Variants in DROSHA observed in about 807,000 individuals in gnomAD.
DROSHA encodes the protein ribonuclease 3.
DROSHA carries 56 observed loss-of-function variants against 181.9 expected under a neutral mutation model. The ratio of observed to expected loss-of-function variants is 0.31; its 90% CI spans 0.25 to 0.38. The LOEUF is 0.38. DROSHA is among the 10% of genes least tolerant of loss of function. The probability of loss-of-function intolerance (pLI) is 1.00; values close to 1 mark genes in which losing one functional copy is unlikely to be tolerated. For missense variants in DROSHA, 1,218 were observed against 1,743.5 expected (o/e 0.70, Z 5.37); for synonymous variants, 524 against 591.2 (o/e 0.89, Z 1.65).
rs372836185 is a variant in DROSHA, at chr5:31,526,633, C to G, written c.300G>C (p.Pro100=). 1.6e-5 allele frequency: 23 copies of G among 1,424,824 alleles called. No homozygotes were observed. The African/African-American group carries it at 3.7e-4, about 23-fold the overall frequency. 88.3% of individuals were successfully genotyped at this position (1,424,824 alleles called of 1,614,324 possible). The change falls in exon 5 of 36, where the codon CCG becomes CCC. Residue 100 remains proline (P), a synonymous_variant. Transcript: ENST00000344624. ...QGPLPPCPIR[P]PFPNHQMRHP... Reference sequence around the variant, plus strand: ...GCCTCATCTGGTGGTTGGGGAAAGGCGGCCTGATTGGGCAGGGGGGAAGAG... The same window carrying G: ...GCCTCATCTGGTGGTTGGGGAAAGGGGGCCTGATTGGGCAGGGGGGAAGAG...
chr5:31,458,393 G>C (rs1747927589), intron 20 of DROSHA, among the ~76,000 whole-genome samples: 1 of 152,186 alleles, frequency 6.6e-6, no homozygotes. Flanking sequence ...GTAATTTTTG[G>C]TGCTGTCCCA....
intron 33 of DROSHA, 129 bp from the exon 34 acceptor site, chr5:31,407,074 T>C: frequency 1.6e-6 from 1 of 607,512 alleles, no homozygotes; most frequent in South Asian, 4.6e-5. Context: ...AATGTGAAAA[T>C]GGCAGAAAGG....
intron 30 of DROSHA, among the ~76,000 whole-genome samples, chr5:31,418,837 G>A (rs980313249): frequency 6.6e-5 from 10 of 152,046 alleles, no homozygotes; most frequent in African/African-American, 1.7e-4. Flanking sequence ...AATACTGGAC[G>A]AGGACCCAGG....
intron 24 of DROSHA, among the ~76,000 whole-genome samples, chr5:31,436,187 G>C (rs1249396265): frequency 1.3e-5 from 2 of 152,174 alleles, no homozygotes; most frequent in Non-Finnish European, 2.9e-5. Flanking sequence ...AATTGGGAGT[G>C]AAACAAATGC....
intron 20 of DROSHA, among the ~76,000 whole-genome samples, chr5:31,455,799 C>T (rs1747586815): frequency 6.6e-6 from 1 of 152,042 alleles, no homozygotes; most frequent in African/African-American, 2.4e-5. Context: ...CACCACCACA[C>T]CCAGCTAATT....
chr5:31,472,625 A>G (rs1475759329), intron 16 of DROSHA, among the ~76,000 whole-genome samples: 1 of 152,240 alleles, frequency 6.6e-6, no homozygotes, highest in African/African-American at 2.4e-5. Context: ...AACAGATGAA[A>G]GCTCTTTAGA....
intron 16 of DROSHA, among the ~76,000 whole-genome samples, chr5:31,474,431 C>T (rs1346374860): frequency 1.3e-5 from 2 of 152,036 alleles, no homozygotes; most frequent in African/African-American, 4.8e-5. Flanking sequence ...GATGCCATCA[C>T]GGCTCATCGC....
At chr5:31,519,219 C>T (rs1244362383) in intron 6 of DROSHA, among the ~76,000 whole-genome samples, 7 of 152,174 alleles carry the variant, frequency 4.6e-5, no homozygotes, top group Non-Finnish European at 1.0e-4. Context: ...GAGGCTATTT[C>T]CAGCACTTAT....
At position 31,526,870 on chromosome 5, in the gene DROSHA, T is replaced by C. The variant is rs1740652731; in HGVS notation, c.63A>G (p.Gly21=). The change falls in exon 5 of 36, where the codon GGA becomes GGG. Residue 21 remains glycine, a synonymous_variant. Coordinates refer to ENST00000344624, the MANE Select transcript of DROSHA (RefSeq NM_001382508.1). Reference sequence around the variant, plus strand: ...AGGGTCTGGCTCCATGTCCTCCTCGTCCTCGGGGACACCCTCGTCCCGGGT... The same window carrying C: ...AGGGTCTGGCTCCATGTCCTCCTCGCCCTCGGGGACACCCTCGTCCCGGGT... The part of the protein sequence containing the change: ...SFHPGRGCPR[G]RGGHGARPSA... 1 of 1,613,104 alleles carries C rather than the reference T, an allele frequency of 6.2e-7. No homozygotes were observed. Among genetic ancestry groups the C allele is most frequent in the African/African-American group, 1.3e-5 (1 of 74,828 alleles).
rs147784267 is a variant in DROSHA at position 31,473,960 on chromosome 5, T to C, written c.2072-1728A>G. Among the ~76,000 whole-genome samples the C allele has an allele frequency of 1.2e-3, 183 of 152,282 alleles. 1 individual carries two copies. Among genetic ancestry groups the C allele is most frequent in the Middle Eastern group, 6.8e-3 (2 of 294 alleles). ...TGAGATGGGAGCATGTTTTTCACCA[T>C]ATGTGCCATGCACTGTGAGTGGTCC... On this transcript the variant is annotated intron_variant, in intron 16 of 35. Transcript: ENST00000344624.
At chr5:31,503,051 C>T (rs538135089) in intron 11 of DROSHA, among the ~76,000 whole-genome samples, 4 of 152,112 alleles carry the variant, frequency 2.6e-5, no homozygotes, top group Admixed American at 1.3e-4. Flanking sequence ...GGGAGCATGA[C>T]GAGCTCTATC....
At chr5:31,495,195 C>G in intron 12 of DROSHA, 91 bp downstream of exon 12, 1 of 1,353,954 alleles carries the variant, frequency 7.4e-7, no homozygotes, top group Non-Finnish European at 1.0e-6. Context: ...AAAGTAAGAA[C>G]ATTTGAGAAC....
In DROSHA at chr5:31,414,704, G is replaced by A. The variant is rs370563665; in HGVS notation, c.3526-3817C>T. ...ATTCACAACAGCATCATCATAATTC[G>A]ACAAAATATGTTTGCTCTTCAGTTA... On this transcript the variant is annotated intron_variant, in intron 30 of 35. Coordinates refer to ENST00000344624, the MANE Select transcript of DROSHA (RefSeq NM_001382508.1). Among the ~76,000 whole-genome samples the A allele has an allele frequency of 6.4e-4, 98 of 152,200 alleles. 3 individuals are homozygous for A. In the South Asian group the frequency reaches 0.02, roughly 31 times the overall value.
intron 21 of DROSHA, among the ~76,000 whole-genome samples, chr5:31,449,762 G>A (rs116091006): frequency 6.6e-6 from 1 of 152,024 alleles, no homozygotes; most frequent in South Asian, 2.1e-4. Flanking sequence ...CAGCATGGGA[G>A]CACCATCTTT....
At position 31,526,999 on chromosome 5, in the gene DROSHA, T is replaced by C; in HGVS notation, c.21-87A>G. 3 of 1,258,242 alleles carry C rather than the reference T, an allele frequency of 2.4e-6. No individual in the cohort carries two copies. In the South Asian group the frequency reaches 4.5e-5, roughly 19 times the overall value. 77.9% of individuals were successfully genotyped at this position (1,258,242 alleles called of 1,614,324 possible). On this transcript the variant is annotated intron_variant, in intron 4 of 35. Transcript: ENST00000344624. ...AGGGTTTCATAAATGCCTGACCATC[T>C]TGATGAGCAACTCAAAGACCCCCTA...
At position 31,429,552 on chromosome 5, in the gene DROSHA, G is replaced by T; in HGVS notation, c.3146-7C>A. 1.9e-6 allele frequency: 3 copies of T among 1,608,432 alleles called. No homozygotes were observed. The highest frequency in any genetic ancestry group is 1.7e-6 in the Non-Finnish European group (2 of 1,177,184). The stretch of plus-strand genomic sequence containing the variant: ...CCCTCCAAGTAAACAGCTCCTAGAT[G>T]AAAAACAGAGAATGCCAAAAGAGAG... On this transcript the variant is annotated splice_polypyrimidine_tract_variant and splice_region_variant and intron_variant, in intron 26 of 35. Transcript: ENST00000344624.
chr5:31,462,691 T>G (rs1489041108), intron 20 of DROSHA, among the ~76,000 whole-genome samples: 3 of 149,108 alleles, frequency 2.0e-5, no homozygotes, highest in African/African-American at 7.4e-5. Context: ...AGATACTGTA[T>G]TCAGTGGCCT....
intron 28 of DROSHA, 88 bp from the exon 29 acceptor site, chr5:31,423,032 T>C (rs1225221428): frequency 8.0e-7 from 1 of 1,244,930 alleles, no homozygotes; most frequent in African/African-American, 1.6e-5. Context: ...TTTTGTAAAA[T>C]TCCTTCTCCC....
At chr5:31,493,154 G>A in intron 13 of DROSHA, 53 bp downstream of exon 13, 1 of 1,520,280 alleles carries the variant, frequency 6.6e-7, no homozygotes, top group Non-Finnish European at 9.0e-7. Flanking sequence ...TTGGAAAGAA[G>A]GGATGAAGGA....
Sources: gnomAD v4.1 joint callset for allele counts (sites outside exome capture counted in the v4.1 genomes callset) on GRCh38, gnomAD v4.1.1 for gene constraint, MANE v1.5 for transcripts, NCBI Gene and HGNC (gene_info 2026-07-23, HGNC 2026-07-21) for gene names.